Variants in MED13 observed in about 807,000 individuals in gnomAD.
MED13 encodes the protein mediator of RNA polymerase II transcription subunit 13.
In MED13, 23 loss-of-function variants were observed where a neutral mutation model predicts 225.2. The ratio of observed to expected loss-of-function variants is 0.10; its 90% CI spans 0.07 to 0.14. MED13 has a LOEUF of 0.14. MED13 is among the 10% of genes least tolerant of loss of function. The probability of loss-of-function intolerance (pLI) is 1.00; values close to 1 mark genes in which losing one functional copy is unlikely to be tolerated. For synonymous variants in MED13, 942 were observed against 889.2 expected (o/e 1.06, Z -1.06); for missense variants, 2,197 against 2,594.5 (o/e 0.85, Z 3.33).
rs773908595 is a variant in MED13, at chr17:61,982,466, C to T, written c.3537G>A (p.Lys1179=). The T allele has an allele frequency of 4.2e-5, 67 of 1,614,052 alleles. No individual in the cohort carries two copies. The highest frequency in any genetic ancestry group is 5.4e-5 in the Non-Finnish European group (64 of 1,180,040). ...TSAEHVNGGL[K]ESEKLSDDLI... is the part of the protein sequence containing the mutation. ...AATCATCAGATAATTTTTCAGATTC[C>T]TTTAGTCCTCCATTAACATGTTCAG... The change falls in exon 16 of 30, where the codon AAG becomes AAA. Residue 1179 remains lysine, a synonymous_variant. Coordinates refer to ENST00000397786, the MANE Select transcript of MED13 (RefSeq NM_005121.3).
In MED13 at chr17:61,957,638, C is replaced by G. The variant is rs536796051; in HGVS notation, c.5481-1157G>C. ...GCTAGGATTACAGGCGTGAGCCACC[C>G]TGCTTGACCCAGCAAACTTTTTTTA... On this transcript the variant is annotated intron_variant, in intron 23 of 29. Transcript: ENST00000397786. Among the ~76,000 whole-genome samples the G allele has an allele frequency of 7.1e-4, 107 of 151,368 alleles. 1 individual carries two copies. Among genetic ancestry groups the G allele is most frequent in the African/African-American group, 2.5e-3 (103 of 41,278 alleles).
At chr17:61,995,021 T>C in intron 10 of MED13, 131 bp downstream of exon 10, 1 of 755,830 alleles carries the variant, frequency 1.3e-6, no homozygotes, top group South Asian at 2.0e-5. Context: ...AAAAATAAGT[T>C]TTTCTAAATA....
At chr17:61,998,628 G>A (rs549528388) in intron 9 of MED13, among the ~76,000 whole-genome samples, 1 of 138,420 alleles carries the variant, frequency 7.2e-6, no homozygotes, top group Admixed American at 7.2e-5. Flanking sequence ...TTGAGACAAG[G>A]TCTTGCTGTC....
intron 9 of MED13, among the ~76,000 whole-genome samples, chr17:61,995,975 T>A (rs2080343556): frequency 6.6e-6 from 1 of 152,224 alleles, no homozygotes; most frequent in South Asian, 2.1e-4. Context: ...GGCACATCAA[T>A]TTTTAAGTTA....
At chr17:62,025,987 T>C (rs2080698054) in intron 8 of MED13, among the ~76,000 whole-genome samples, 1 of 152,190 alleles carries the variant, frequency 6.6e-6, no homozygotes, top group Non-Finnish European at 1.5e-5. Flanking sequence ...TTATTATATA[T>C]TCAAACCAAC....
chr17:62,000,466 G>A (rs570538450), intron 9 of MED13, among the ~76,000 whole-genome samples: 5 of 152,146 alleles, frequency 3.3e-5, no homozygotes, highest in Admixed American at 1.3e-4. Context: ...CACATTACAT[G>A]TACATAGCTA....
At position 62,048,398 on chromosome 17, in the gene MED13, C is replaced by CAA. The variant is rs555420453; in HGVS notation, c.470+4137_470+4138dup. 7.5e-3 allele frequency among the ~76,000 whole-genome samples: 508 copies of CAA among 67,896 alleles called. 5 individuals carry two copies. The highest frequency in any genetic ancestry group is 0.021 in the Middle Eastern group (2 of 96). The allele number at this position is 67,896 out of a possible 152,430, so 44.5% of individuals were successfully genotyped here. On this transcript the variant is annotated intron_variant, in intron 3 of 29. Transcript: ENST00000397786. ...CCAGCCTGACAGAGTGAGACTGTTT[C>CAA]AAAAAAAAAAAAAAAAAAAAAAAAG...
At chr17:61,970,408 T>G (rs1318696827) in intron 17 of MED13, among the ~76,000 whole-genome samples, 1 of 152,148 alleles carries the variant, frequency 6.6e-6, no homozygotes, top group Admixed American at 6.6e-5. Context: ...GGGCTGGGCA[T>G]GGTGGCTCAC....
At chr17:61,947,560 T>C (rs2079861036) in intron 28 of MED13, among the ~76,000 whole-genome samples, 1 of 152,218 alleles carries the variant, frequency 6.6e-6, no homozygotes, top group Non-Finnish European at 1.5e-5. Context: ...TACGCAGACA[T>C]ACCTACGTCT....
intron 11 of MED13, among the ~76,000 whole-genome samples, chr17:61,987,540 C>T (rs2080258751): frequency 6.6e-6 from 1 of 151,862 alleles, no homozygotes; most frequent in African/African-American, 2.4e-5. Flanking sequence ...GATTATGCAA[C>T]AAGAAATTGT....
chr17:61,956,994 T>A (rs1015451503), intron 23 of MED13, among the ~76,000 whole-genome samples: 4 of 152,180 alleles, frequency 2.6e-5, no homozygotes, highest in East Asian at 1.9e-4. Context: ...TATAAATTTT[T>A]AAAAAAATTT....
At position 61,946,266 on chromosome 17, in the gene MED13, T is replaced by A; in HGVS notation, c.*202A>T. ...ATAATACGTTTTGTATGATCAGTCA[T>A]CATCCTAAAGAGTTCAATAGAGTCA... On this transcript the variant is annotated 3_prime_UTR_variant, in exon 30 of 30. Transcript: ENST00000397786. 1 of 527,996 alleles carries A rather than the reference T, an allele frequency of 1.9e-6. No homozygotes were observed. Among genetic ancestry groups the A allele is most frequent in the Non-Finnish European group, 3.2e-6 (1 of 310,218 alleles). The allele number at this position is 527,996 out of a possible 1,614,324, so 32.7% of individuals were successfully genotyped here.
intron 3 of MED13, among the ~76,000 whole-genome samples, chr17:62,040,642 G>A (rs889190095): frequency 1.2e-4 from 18 of 152,152 alleles, no homozygotes; most frequent in African/African-American, 3.6e-4. Flanking sequence ...TAAATGGCTT[G>A]TGTTAAAATC....
At chr17:62,028,677 T>C (rs2080724981) in intron 8 of MED13, among the ~76,000 whole-genome samples, 1 of 150,336 alleles carries the variant, frequency 6.7e-6, no homozygotes, top group South Asian at 2.1e-4. Flanking sequence ...CTGTCTCTAC[T>C]TTAAAAAAAA....
intron 8 of MED13, among the ~76,000 whole-genome samples, chr17:62,015,931 T>C (rs572721268): frequency 1.4e-4 from 1 of 7,300 alleles, no homozygotes; most frequent in African/African-American, 3.3e-4. Context: ...TATATATATA[T>C]ATATATATAT....
chr17:62,007,877 A>T (rs974992616), intron 9 of MED13, among the ~76,000 whole-genome samples: 2 of 149,876 alleles, frequency 1.3e-5, no homozygotes, highest in African/African-American at 2.5e-5. Flanking sequence ...AAATTAGCAG[A>T]GTGTGCTGGT....
chr17:61,979,363 G>A (rs2080184024), intron 16 of MED13, among the ~76,000 whole-genome samples: 1 of 152,122 alleles, frequency 6.6e-6, no homozygotes, highest in Admixed American at 6.6e-5. Context: ...AGGCTGGAGT[G>A]CAGTGGTACA....
Position 61,974,587 on chromosome 17 carries a change from G to T in MED13, c.3806-1699C>A, listed in dbSNP as rs562819104. ...TAAAAAAAAAGGAGTGATCATGGAG[G>T]ATAATCAATCAATAGAAATAAACTG... On this transcript the variant is annotated intron_variant, in intron 16 of 29. Transcript: ENST00000397786. Among the ~76,000 whole-genome samples, 106 of 152,020 alleles carry T rather than the reference G, an allele frequency of 7.0e-4. 1 individual carries two copies. The highest frequency in any genetic ancestry group is 2.5e-3 in the African/African-American group (102 of 41,466).
chr17:61,997,616 GA>G (rs1430478736), intron 9 of MED13, among the ~76,000 whole-genome samples: 3 of 152,050 alleles, frequency 2.0e-5, no homozygotes, highest in Admixed American at 6.6e-5. Flanking sequence ...CTTTGATGTG[GA>G]AATTATGTAA....
Sources: gnomAD v4.1 joint callset for allele counts (sites outside exome capture counted in the v4.1 genomes callset) on GRCh38, gnomAD v4.1.1 for gene constraint, MANE v1.5 for transcripts, NCBI Gene and HGNC (gene_info 2026-07-23, HGNC 2026-07-21) for gene names.